The following SCN9A variants were observed in gnomAD, a reference collection of about 807,000 sequenced individuals.
SCN9A encodes the protein sodium voltage-gated channel alpha subunit 9, also known as sodium channel protein type 9 subunit alpha.
In SCN9A, 131 loss-of-function variants were observed where a neutral mutation model predicts 187.0. The observed-to-expected ratio is 0.70, with a 90% CI of 0.61 to 0.81. SCN9A has a LOEUF of 0.81. Ranked by LOEUF, SCN9A falls within the 30% of genes least tolerant of loss-of-function variation. The pLI, the probability that SCN9A is intolerant of heterozygous loss-of-function variation, is 0.00. For synonymous variants in SCN9A, 809 were observed against 808.6 expected, an observed-to-expected ratio of 1.00 and a Z score of -0.01; for missense variants, 2,252 against 2,396.6, an observed-to-expected ratio of 0.94 and a Z score of 1.26.
chr2:166,276,990 T>C lies in SCN9A; in HGVS notation c.2867A>G (p.Asn956Ser). The change falls in exon 16 of 27, where the codon AAC becomes AGC. Residue 956 changes from asparagine to serine, a missense_variant. Physicochemically the swap from Asn to Ser is conservative, Grantham distance 46. Around this residue, in one of 7 missense-constraint regions of SCN9A, gnomAD observed 119 missense variants for 188.7 expected, o/e 0.63. Transcript: ENST00000642356. ...IVYMMVMVIGNLVVLNLFLAL... is the reference protein window; with the variant it reads ...IVYMMVMVIGSLVVLNLFLAL... ...GAACATCTGGTTACATACCACCAGG[T>C]TTCCAATGACCATGACCATCATGTA... is the stretch of plus-strand genomic sequence containing the variant. 6.2e-7 allele frequency: 1 copy of C among 1,610,516 alleles called. No individual in the cohort carries two copies. Among genetic ancestry groups the C allele is most frequent in the East Asian group, 2.2e-5 (1 of 44,824 alleles).
At chr2:166,318,687 G>T (rs1392388884) in intron 1 of SCN9A, among the ~76,000 whole-genome samples, 1 of 152,086 alleles carries the variant, frequency 6.6e-6, no homozygotes, top group Non-Finnish European at 1.5e-5. Context: ...AGTCATAATT[G>T]TAGTTACCTT....
At chr2:166,295,588 T>G (rs970661063) in intron 7 of SCN9A, among the ~76,000 whole-genome samples, 2 of 152,146 alleles carry the variant, frequency 1.3e-5, no homozygotes, top group African/African-American at 4.8e-5. Context: ...AAAAATACAG[T>G]ATTATAATCT....
chr2:166,201,508 GTATACTA>G (rs1558942642), intron 26 of SCN9A, among the ~76,000 whole-genome samples: 15 of 77,928 alleles, frequency 1.9e-4, no homozygotes, highest in Admixed American at 3.1e-4. Flanking sequence ...TAGAGTATGC[GTATACTA>G]TATATATAGT....
chr2:166,336,357 A>T (rs1246933382), intron 1 of SCN9A, among the ~76,000 whole-genome samples: 1 of 152,150 alleles, frequency 6.6e-6, no homozygotes, highest in Non-Finnish European at 1.5e-5. Context: ...TGACAAAGCC[A>T]ATAAAGGGTG....
At position 166,199,083 on chromosome 2, in the gene SCN9A, C is replaced by A. The variant is rs1693347992; in HGVS notation, c.5556G>T (p.Glu1852Asp). The change falls in exon 27 of 27, where the codon GAG (glutamate) becomes GAT (aspartate). Residue 1852 changes from glutamate to aspartate, a missense_variant. Coordinates refer to ENST00000642356, the MANE Select transcript of SCN9A (RefSeq NM_001365536.1). Reference protein sequence around the residue: ...LFAFTKRVLGESGEMDSLRSQ... With the variant: ...LFAFTKRVLGDSGEMDSLRSQ... Reference sequence around the variant, plus strand: ...AACGAAGAGAATCCATCTCCCCACTCTCACCCAAAACACGCTTTGTAAAAG... The same window carrying A: ...AACGAAGAGAATCCATCTCCCCACTATCACCCAAAACACGCTTTGTAAAAG... 1 of 1,614,142 alleles carries A rather than the reference C, an allele frequency of 6.2e-7. No individual in the cohort carries two copies. Among genetic ancestry groups the A allele is most frequent in the Non-Finnish European group, 8.5e-7 (1 of 1,180,036 alleles).
At chr2:166,303,946 A>G in intron 6 of SCN9A, 2 of 1,296,104 alleles carry the variant, frequency 1.5e-6, no homozygotes, top group South Asian at 2.5e-5. Flanking sequence ...AATCAAATTT[A>G]ATTAAAATTG....
At chr2:166,302,558 C>T (rs1698600637) in intron 7 of SCN9A, 1 of 151,784 alleles carries the variant, frequency 6.6e-6, no homozygotes, top group African/African-American at 2.4e-5. Context: ...TTGCTTTGTA[C>T]AAATCTTTAG....
intron 9 of SCN9A, among the ~76,000 whole-genome samples, chr2:166,291,232 C>G (rs1698053732): frequency 6.6e-6 from 1 of 152,150 alleles, no homozygotes; most frequent in Non-Finnish European, 1.5e-5. Flanking sequence ...AGCAAGGTAT[C>G]AGGATACAAA....
chr2:166,303,131 T>C lies in SCN9A; in HGVS notation c.860A>G (p.Glu287Gly), dbSNP rs1304725632. 6.2e-7 allele frequency: 1 copy of C among 1,609,710 alleles called. No individual in the cohort carries two copies. The highest frequency in any genetic ancestry group is 1.3e-5 in the African/African-American group (1 of 75,016). The part of the protein sequence containing the change: ...RNSLENNETL[E>G]SIMNTLESEE... Reference sequence around the variant, plus strand: ...ACTCTCTAGGGTATTCATTATGCTTTCTAATGTTTCATTATTTTCAAGTGA... The same window carrying C: ...ACTCTCTAGGGTATTCATTATGCTTCCTAATGTTTCATTATTTTCAAGTGA... The change falls in exon 7 of 27, where the codon GAA becomes GGA. Residue 287 changes from glutamate (E) to glycine (G), a missense_variant. Around this residue, in one of 7 missense-constraint regions of SCN9A, gnomAD observed 1,013 missense variants for 997.4 expected, o/e 1.02. Coordinates refer to ENST00000642356, the MANE Select transcript of SCN9A (RefSeq NM_001365536.1).
rs1693371290 is a variant in SCN9A, at chr2:166,199,425, G to C, written c.5214C>G (p.Phe1738Leu). ...ATATGATGATATAACTAACAAAGTA[G>C]AATATTCCAACAGATGGGTTACCAC... ...GDCGNPSVGI[F>L]YFVSYIIISF... Residue 1738 changes from phenylalanine to leucine, a missense_variant, in exon 27 of 27, where the codon TTC (phenylalanine) becomes TTG (leucine). Physicochemically the swap from Phe to Leu is conservative, Grantham distance 22. This residue lies in a region of SCN9A where 345 missense variants were observed against 344.6 expected (regional missense o/e 1.00). Transcript: ENST00000642356. 10 of 1,614,048 alleles carry C rather than the reference G, an allele frequency of 6.2e-6. No homozygotes were observed. Among genetic ancestry groups the C allele is most frequent in the Non-Finnish European group, 8.5e-6 (10 of 1,180,030 alleles).
intron 25 of SCN9A, 60 bp downstream of exon 25, chr2:166,204,300 T>C: frequency 1.2e-5 from 19 of 1,557,806 alleles, no homozygotes; most frequent in Non-Finnish European, 1.7e-5. Context: ...AGATGTGCAT[T>C]AAAAATGAAT....
chr2:166,234,606 C>T (rs1265742633), intron 20 of SCN9A, among the ~76,000 whole-genome samples: 1 of 148,492 alleles, frequency 6.7e-6, no homozygotes, highest in Non-Finnish European at 1.5e-5. Context: ...TGTAACATGG[C>T]TTTTTTTTTT....
At chr2:166,208,849 G>A (rs1351763305) in intron 24 of SCN9A, among the ~76,000 whole-genome samples, 1 of 152,204 alleles carries the variant, frequency 6.6e-6, no homozygotes, top group Non-Finnish European at 1.5e-5. Flanking sequence ...AATCATAACT[G>A]TGCTGGTATC....
At chr2:166,279,290 A>G (rs1199211354) in intron 14 of SCN9A, among the ~76,000 whole-genome samples, 1 of 152,216 alleles carries the variant, frequency 6.6e-6, no homozygotes, top group Non-Finnish European at 1.5e-5. Context: ...ACAGACTCAG[A>G]AAAGAACTTC....
At chr2:166,210,431 G>A (rs1349802536) in intron 24 of SCN9A, among the ~76,000 whole-genome samples, 1 of 148,456 alleles carries the variant, frequency 6.7e-6, no homozygotes, top group African/African-American at 2.5e-5. Flanking sequence ...TGCACGTTGT[G>A]CACATGTACC....
rs781327688 is a variant in SCN9A at position 166,349,761 on chromosome 2, T to TCGG, written c.-51+25933_-51+25935dup. Among the ~76,000 whole-genome samples the TCGG allele has an allele frequency of 3.9e-5, 6 of 151,992 alleles. No homozygotes were observed. In the South Asian group the frequency reaches 1.2e-3, roughly 32 times the overall value. On this transcript the variant is annotated intron_variant, in intron 1 of 26. Coordinates refer to ENST00000642356, the MANE Select transcript of SCN9A (RefSeq NM_001365536.1). ...GCCGAGGCAGGTGGATCACCTGAAG[T>TCGG]CGGGAGTTCGAGACCAGTCTGACCA...
intron 24 of SCN9A, among the ~76,000 whole-genome samples, chr2:166,207,919 T>C (rs1280818750): frequency 6.6e-6 from 1 of 152,134 alleles, no homozygotes; most frequent in South Asian, 2.1e-4. Context: ...TGCCAAGAAC[T>C]TGACAGAAGA....
At chr2:166,226,823 G>A (rs940099999) in intron 23 of SCN9A, 119 bp from the exon 24 acceptor site, 3 of 609,470 alleles carry the variant, frequency 4.9e-6, no homozygotes, top group Non-Finnish European at 5.2e-6. Flanking sequence ...GATTTAAGAA[G>A]CCATAGCATT....
chr2:166,361,517 G>A (rs566573122), intron 1 of SCN9A, among the ~76,000 whole-genome samples: 5 of 152,156 alleles, frequency 3.3e-5, no homozygotes, highest in Admixed American at 3.3e-4. Context: ...CAGGATGTGG[G>A]CCTTGCTTTC....
Sources: gnomAD v4.1 joint callset for allele counts (sites outside exome capture counted in the v4.1 genomes callset) on GRCh38, gnomAD v4.1.1 for gene constraint, gnomAD v4.1.1 regional missense constraint, MANE v1.5 for transcripts, NCBI Gene and HGNC (gene_info 2026-07-23, HGNC 2026-07-21) for gene names.